Variants in PAN3 observed in about 807,000 individuals in gnomAD.
The protein encoded by PAN3 is poly(A) specific ribonuclease subunit PAN3, also known as PAN2-PAN3 deadenylation complex subunit PAN3.
A neutral mutation model predicts 96.2 loss-of-function variants in PAN3; 19 were observed. The ratio of observed to expected loss-of-function variants is 0.20; its 90% confidence interval spans 0.14 to 0.29. The LOEUF is 0.29. Ranked by LOEUF, PAN3 falls within the 10% of genes least tolerant of loss-of-function variation. The pLI is 1.00. For missense variants in PAN3, 882 were observed against 1,108.1 expected (o/e 0.80, Z 2.90); for synonymous variants, 433 against 406.6 (o/e 1.06, Z -0.78).
rs981621548 is a variant in PAN3, at chr13:28,293,524, C to G, written c.*1002C>G. ...CACTGTTCAGAAGATGAACTAAACT[C>G]AGCAGTGGTCTGGTATCAAGAGCTT... On this transcript the variant is annotated 3_prime_UTR_variant, in exon 19 of 19. Coordinates refer to ENST00000380958, the MANE Select transcript of PAN3 (RefSeq NM_175854.8). The G allele has an allele frequency of 1.3e-5, 2 of 149,526 alleles. No individual in the cohort carries two copies. Among genetic ancestry groups the G allele is most frequent in the Non-Finnish European group, 1.5e-5 (1 of 67,594 alleles). 9.3% of individuals were successfully genotyped at this position (149,526 alleles called of 1,614,324 possible). A position where few individuals can be genotyped will look rare whatever the true frequency, so the allele number is the denominator to read the frequency against.
intron 9 of PAN3, among the ~76,000 whole-genome samples, chr13:28,263,601 G>T (rs925724255): frequency 6.6e-6 from 1 of 152,182 alleles, no homozygotes; most frequent in African/African-American, 2.4e-5. Context: ...AGAGTGCTGG[G>T]ATTACAGGCA....
chr13:28,269,341 A>T (rs1886422055), intron 12 of PAN3, among the ~76,000 whole-genome samples: 2 of 152,134 alleles, frequency 1.3e-5, no homozygotes, highest in Non-Finnish European at 2.9e-5. Flanking sequence ...TTTTCATAGG[A>T]AGTAGTCCTT....
At chr13:28,237,747 A>T (rs1184491839) in intron 6 of PAN3, among the ~76,000 whole-genome samples, 5 of 152,204 alleles carry the variant, frequency 3.3e-5, no homozygotes, top group Non-Finnish European at 7.3e-5. Context: ...TCATATAGTA[A>T]CATGAAAATC....
chr13:28,216,111 G>GT (rs1372992374), intron 5 of PAN3, among the ~76,000 whole-genome samples: 1 of 134,224 alleles, frequency 7.5e-6, no homozygotes, highest in Non-Finnish European at 1.6e-5. Context: ...AGTTTTACTA[G>GT]TTTTTTAAAT....
chr13:28,270,978 A>T, intron 13 of PAN3, 112 bp downstream of exon 13: 1 of 1,059,592 alleles, frequency 9.4e-7, no homozygotes, highest in Non-Finnish European at 1.3e-6. Flanking sequence ...CATCCAGAAG[A>T]ACTTCTGTAA....
intron 16 of PAN3, among the ~76,000 whole-genome samples, chr13:28,281,030 GTTCTT>G (rs1418132301): frequency 1.3e-5 from 2 of 152,178 alleles, no homozygotes; most frequent in Non-Finnish European, 2.9e-5. Context: ...GGACAACACT[GTTCTT>G]TTCATTCATG....
At chr13:28,171,764 A>C (rs541011502) in intron 1 of PAN3, among the ~76,000 whole-genome samples, 1 of 152,308 alleles carries the variant, frequency 6.6e-6, no homozygotes, top group African/African-American at 2.4e-5. Context: ...TGGACGCTTC[A>C]TCTCGCAGGC....
chr13:28,153,715 G>A (rs907552642), intron 1 of PAN3, among the ~76,000 whole-genome samples: 4 of 152,080 alleles, frequency 2.6e-5, no homozygotes, highest in South Asian at 2.1e-4. Flanking sequence ...ACATACACAC[G>A]TACAAAAGAC....
intron 6 of PAN3, among the ~76,000 whole-genome samples, chr13:28,223,625 G>A (rs929484826): frequency 2.0e-5 from 3 of 150,608 alleles, no homozygotes; most frequent in African/African-American, 4.9e-5. Context: ...GTGCAGTGGC[G>A]CGATCTCTGC....
intron 12 of PAN3, among the ~76,000 whole-genome samples, chr13:28,268,368 T>C (rs779325446): frequency 5.8e-4 from 89 of 152,188 alleles, no homozygotes; most frequent in Non-Finnish European, 1.1e-3. Context: ...ACAAATGCTT[T>C]TGTTTGAAGG....
chr13:28,268,612 A>AT (rs375014998), intron 12 of PAN3, among the ~76,000 whole-genome samples: 279 of 152,232 alleles, frequency 1.8e-3, no homozygotes, highest in African/African-American at 5.9e-3. Flanking sequence ...TAATTTATGT[A>AT]TTTAGGGAAG....
chr13:28,287,315 A>T (rs1416465318), intron 17 of PAN3, among the ~76,000 whole-genome samples: 1 of 152,152 alleles, frequency 6.6e-6, no homozygotes, highest in Admixed American at 6.5e-5. Context: ...TCACAGTTTG[A>T]TCTGGGAAGC....
Position 28,294,371 on chromosome 13 carries a change from TTA to T in PAN3, c.*1853_*1854del, listed in dbSNP as rs1201624622. ...TATTTGAGGAAGAGCAGCTGTCTTT[TTA>T]TATGTTTTTTGACAAATCATATTGT... On this transcript the variant is annotated 3_prime_UTR_variant, in exon 19 of 19. Coordinates refer to ENST00000380958, the MANE Select transcript of PAN3 (RefSeq NM_175854.8). 4 of 152,642 alleles carry T rather than the reference TTA, an allele frequency of 2.6e-5. No individual in the cohort carries two copies. The highest frequency in any genetic ancestry group is 2.9e-5 in the Non-Finnish European group (2 of 68,026). The allele number at this position is 152,642 out of a possible 1,614,324, so 9.5% of individuals were successfully genotyped here. A position where few individuals can be genotyped will look rare whatever the true frequency, so the allele number is the denominator to read the frequency against.
At chr13:28,175,605 CA>C (rs1874862493) in intron 2 of PAN3, among the ~76,000 whole-genome samples, 1 of 152,050 alleles carries the variant, frequency 6.6e-6, no homozygotes, top group Admixed American at 6.6e-5. Flanking sequence ...TGTATGAAAC[CA>C]ATGCTTTTTT....
intron 9 of PAN3, among the ~76,000 whole-genome samples, chr13:28,262,488 A>G (rs1171386752): frequency 1.3e-5 from 2 of 152,244 alleles, no homozygotes; most frequent in Admixed American, 1.3e-4. Flanking sequence ...TTACACCTTA[A>G]GATGGATCTT....
chr13:28,198,838 G>T (rs1020210480), intron 5 of PAN3, among the ~76,000 whole-genome samples: 1 of 152,078 alleles, frequency 6.6e-6, no homozygotes, highest in African/African-American at 2.4e-5. Context: ...TTATAAATAG[G>T]TTCCACAGTA....
chr13:28,197,382 G>A, intron 5 of PAN3, 36 bp downstream of exon 5: 1 of 1,521,964 alleles, frequency 6.6e-7, no homozygotes, highest in East Asian at 2.5e-5. Context: ...TCTTGAAAGT[G>A]AATGTCTTGG....
intron 5 of PAN3, chr13:28,215,826 G>A (rs1880682900): frequency 2.9e-6 from 4 of 1,384,756 alleles, no homozygotes; most frequent in Non-Finnish European, 4.1e-6. Context: ...TGTCATCAAA[G>A]CAGTGGACAA....
chr13:28,263,543 C>A (rs540309311), intron 9 of PAN3, among the ~76,000 whole-genome samples: 1 of 152,260 alleles, frequency 6.6e-6, no homozygotes, highest in South Asian at 2.1e-4. Flanking sequence ...GTTGCTGAGG[C>A]TGGTCTTGAA....
Sources: allele counts gnomAD v4.1 joint callset (sites outside exome capture counted in the v4.1 genomes callset), GRCh38; gene constraint gnomAD v4.1.1; transcripts MANE v1.5; gene names NCBI Gene and HGNC (gene_info 2026-07-23, HGNC 2026-07-21).